The following TIAM1 variants were observed in gnomAD, a reference collection of about 807,000 sequenced individuals.
The protein encoded by TIAM1 is TIAM Rac1 associated GEF 1.
In TIAM1, 65 loss-of-function variants were observed where a neutral mutation model predicts 163.5. That is an observed-to-expected ratio of 0.40 (90% CI 0.33 to 0.49). TIAM1 has a LOEUF of 0.49. Among genes scored for constraint, TIAM1 ranks in the 20% least tolerant of loss-of-function variants. The pLI, the probability that TIAM1 is intolerant of heterozygous loss-of-function variation, is 0.77. For synonymous variants in TIAM1, 833 were observed against 810.1 expected (o/e 1.03, Z -0.48); for missense variants, 1,789 against 2,044.7 (o/e 0.87, Z 2.41).
intron 2 of TIAM1, among the ~76,000 whole-genome samples, chr21:31,450,753 C>T (rs918496964): frequency 6.6e-6 from 1 of 152,114 alleles, no homozygotes; most frequent in Admixed American, 6.6e-5. Context: ...TGGTGTCAGG[C>T]AAGAGAGAGA....
At chr21:31,397,750 C>T (rs191370684) in intron 2 of TIAM1, among the ~76,000 whole-genome samples, 1 of 152,280 alleles carries the variant, frequency 6.6e-6, no homozygotes, top group East Asian at 1.9e-4. Flanking sequence ...GAAAGAAACG[C>T]TTTCATTCCA....
At chr21:31,148,966 TTTTTTTG>T (rs34237490) in intron 19 of TIAM1, among the ~76,000 whole-genome samples, 88,767 of 151,194 alleles carry the variant, frequency 0.59, 26,395 homozygotes, top group East Asian at 0.69. Flanking sequence ...CTTTTTCTTT[TTTTTTTG>T]GTCAAATATA....
intron 1 of TIAM1, among the ~76,000 whole-genome samples, chr21:31,510,092 G>A (rs572524425): frequency 6.6e-6 from 1 of 152,162 alleles, no homozygotes; most frequent in East Asian, 1.9e-4. Flanking sequence ...CGGGGTACCC[G>A]TAAATGTAAC....
At position 31,120,888 on chromosome 21, in the gene TIAM1, G is replaced by A. The variant is rs1350430226; in HGVS notation, c.4307-51C>T. ...AATAAAACCCCCACATGCTTTACGT[G>A]AGATGAAAATCCAGAAAGCAAAGGA... On this transcript the variant is annotated intron_variant, in intron 27 of 27. Transcript: ENST00000541036. The surrounding 1 kb of genome is among the most constrained non-coding windows in gnomAD (Gnocchi z 4.2). 1 of 1,478,614 alleles carries A rather than the reference G, an allele frequency of 6.8e-7. No homozygotes were observed. The highest frequency in any genetic ancestry group is 9.0e-7 in the Non-Finnish European group (1 of 1,110,438). The allele number at this position is 1,478,614 out of a possible 1,614,324, so 91.6% of individuals were successfully genotyped here. A position where few individuals can be genotyped will look rare whatever the true frequency, so the allele number is the denominator to read the frequency against.
chr21:31,122,627 G>T (rs2082045287), intron 27 of TIAM1, among the ~76,000 whole-genome samples: 1 of 151,146 alleles, frequency 6.6e-6, no homozygotes, highest in African/African-American at 2.5e-5. Context: ...TAAGAAAATA[G>T]ATAGAACAAA....
At chr21:31,412,035 G>A (rs138669255) in intron 2 of TIAM1, among the ~76,000 whole-genome samples, 3 of 152,168 alleles carry the variant, frequency 2.0e-5, no homozygotes, top group East Asian at 3.9e-4. Context: ...AATCCACCTC[G>A]GTGTCTATCA....
At chr21:31,556,816 A>G (rs930030693) in intron 1 of TIAM1, among the ~76,000 whole-genome samples, 4 of 152,222 alleles carry the variant, frequency 2.6e-5, no homozygotes, top group Non-Finnish European at 5.9e-5. Context: ...ATTACTTAGC[A>G]ACGTCGGTGT....
At chr21:31,144,216 G>A (rs577849361) in intron 20 of TIAM1, among the ~76,000 whole-genome samples, 7 of 152,340 alleles carry the variant, frequency 4.6e-5, no homozygotes, top group African/African-American at 7.2e-5. Flanking sequence ...GGCCCCATGT[G>A]ACAGGAGAGC....
intron 2 of TIAM1, among the ~76,000 whole-genome samples, chr21:31,283,608 G>A (rs1313791731): frequency 6.6e-6 from 1 of 151,890 alleles, no homozygotes; most frequent in Non-Finnish European, 1.5e-5. Context: ...GCAGTGGCAT[G>A]ATCTCTGCTC....
intron 2 of TIAM1, among the ~76,000 whole-genome samples, chr21:31,332,664 C>A (rs1267639995): frequency 6.6e-6 from 1 of 151,404 alleles, no homozygotes; most frequent in African/African-American, 2.4e-5. Flanking sequence ...CCATTTCTAG[C>A]AGTATCAACA....
intron 19 of TIAM1, among the ~76,000 whole-genome samples, chr21:31,151,038 C>G (rs4817383): frequency 0.61 from 92,985 of 152,030 alleles, 28,552 homozygotes; most frequent in East Asian, 0.7. Context: ...CCATAATGAG[C>G]TGCTACTACA....
chr21:31,354,898 A>G (rs2076290585), intron 2 of TIAM1, among the ~76,000 whole-genome samples: 1 of 152,174 alleles, frequency 6.6e-6, no homozygotes, highest in Non-Finnish European at 1.5e-5. Context: ...AGACGCCAAG[A>G]TAAGTCATCT....
At position 31,446,226 on chromosome 21, in the gene TIAM1, C is replaced by A. The variant is rs1448420178; in HGVS notation, c.-369+17757G>T. Among the ~76,000 whole-genome samples, 4 of 5,654 alleles carry A rather than the reference C, an allele frequency of 7.1e-4. No individual in the cohort carries two copies. In the East Asian group the frequency reaches 0.08, roughly 113 times the overall value. The allele number at this position is 5,654 out of a possible 152,430, so 3.7% of individuals were successfully genotyped here. A position where few individuals can be genotyped will look rare whatever the true frequency, so the allele number is the denominator to read the frequency against. On this transcript the variant is annotated intron_variant, in intron 2 of 28. Transcript: ENST00000286827. ...AAAGTTCTGGGATTACAGGTGTGAGCCACCTCGCCCTGCCACTGTGTTTGT... is the reference window on the plus strand; with the variant it reads ...AAAGTTCTGGGATTACAGGTGTGAGACACCTCGCCCTGCCACTGTGTTTGT...
Position 31,399,665 on chromosome 21 carries a change from G to A in TIAM1, c.-368-60243C>T, listed in dbSNP as rs534552436. On this transcript the variant is annotated intron_variant, in intron 2 of 28. Coordinates refer to the TIAM1 transcript ENST00000286827. ...ATGAGTAAACCATAGCTGTTACAAAGAGGTGTTATCTGAAATTTTCCAAGC... is the reference window on the plus strand; with the variant it reads ...ATGAGTAAACCATAGCTGTTACAAAAAGGTGTTATCTGAAATTTTCCAAGC... Among the ~76,000 whole-genome samples the A allele has an allele frequency of 5.9e-5, 9 of 152,320 alleles. No homozygotes were observed. In the South Asian group the frequency reaches 1.2e-3, roughly 21 times the overall value.
intron 22 of TIAM1, among the ~76,000 whole-genome samples, chr21:31,136,328 A>G (rs962754227): frequency 2.0e-5 from 3 of 152,170 alleles, no homozygotes; most frequent in Non-Finnish European, 4.4e-5. Context: ...GACAGACTAC[A>G]TTTTTTAAAA....
At chr21:31,556,117 G>A (rs1298009344) in intron 1 of TIAM1, among the ~76,000 whole-genome samples, 4 of 152,168 alleles carry the variant, frequency 2.6e-5, no homozygotes, top group Non-Finnish European at 5.9e-5. Flanking sequence ...CAACTGATTT[G>A]ATCCCCACAC....
intron 15 of TIAM1, among the ~76,000 whole-genome samples, chr21:31,178,331 C>T (rs545811507): frequency 5.3e-5 from 5 of 94,968 alleles, no homozygotes; most frequent in South Asian, 4.0e-4. Flanking sequence ...TTTTTTGAGA[C>T]GGAGTCTCGC....
At chr21:31,167,558 T>A (rs116568027) in intron 15 of TIAM1, among the ~76,000 whole-genome samples, 5,278 of 152,190 alleles carry the variant, frequency 0.035, 332 homozygotes, top group African/African-American at 0.12. Context: ...ATAAAGGAAG[T>A]GGGGTAGTGT....
chr21:31,228,219 TTAAAAAAAAAAAAA>T (rs2088119331), intron 6 of TIAM1, among the ~76,000 whole-genome samples: 17 of 17,628 alleles, frequency 9.6e-4, no homozygotes, highest in South Asian at 3.2e-3. Context: ...CCTCCTTTTT[TTAAAAAAAAAAAAA>T]AAAAAAAAAA....
Sources: gnomAD v4.1 joint callset for allele counts (sites outside exome capture counted in the v4.1 genomes callset) on GRCh38, gnomAD v4.1.1 for gene constraint, Gnocchi (gnomAD v3.1) non-coding constraint, MANE v1.5 for transcripts, NCBI Gene and HGNC (gene_info 2026-07-23, HGNC 2026-07-21) for gene names.